The following TRPM3 variants were observed in gnomAD, a reference collection of about 807,000 sequenced individuals.
TRPM3 encodes the protein long transient receptor potential channel 3.
TRPM3 carries 77 observed loss-of-function variants against 181.2 expected under a neutral mutation model. That is an observed-to-expected ratio of 0.42 (90% confidence interval 0.35 to 0.51). The LOEUF is 0.51. Ranked by LOEUF, TRPM3 falls within the 20% of genes least tolerant of loss-of-function variation. The probability of loss-of-function intolerance (pLI) is 0.01; values close to 1 mark genes in which losing one functional copy is unlikely to be tolerated. For missense variants in TRPM3, 1,759 were observed against 2,196.7 expected (o/e 0.80, Z 3.98); for synonymous variants, 745 against 796.4 (o/e 0.94, Z 1.09).
At chr9:70,913,981 C>A (rs2096564675) in intron 1 of TRPM3, among the ~76,000 whole-genome samples, 1 of 152,174 alleles carries the variant, frequency 6.6e-6, no homozygotes, top group Non-Finnish European at 1.5e-5. Context: ...TCCATGTTTT[C>A]CAGGCAAAAT....
intron 8 of TRPM3, among the ~76,000 whole-genome samples, chr9:70,759,785 A>G (rs962958887): frequency 1.3e-5 from 2 of 152,236 alleles, no homozygotes; most frequent in East Asian, 3.9e-4. Context: ...CTGAACAGTA[A>G]GAACACATGG....
At chr9:71,033,030 C>G (rs1198012881) in intron 1 of TRPM3, among the ~76,000 whole-genome samples, 1 of 152,296 alleles carries the variant, frequency 6.6e-6, no homozygotes, top group East Asian at 1.9e-4. Flanking sequence ...CCATCTGACT[C>G]TTTTGGCACC....
chr9:70,943,033 T>A (rs2133580962), intron 1 of TRPM3, among the ~76,000 whole-genome samples: 1 of 151,678 alleles, frequency 6.6e-6, no homozygotes, highest in African/African-American at 2.4e-5. Flanking sequence ...GCATTCGAGA[T>A]GTGAATTTCT....
chr9:71,174,269 C>T (rs1360808551), intron 1 of TRPM3, among the ~76,000 whole-genome samples: 1 of 151,984 alleles, frequency 6.6e-6, no homozygotes. Flanking sequence ...TGGCGGGGTA[C>T]AGTGGTTCAG....
In TRPM3 at chr9:70,950,973, T is replaced by C. The variant is rs190016194; in HGVS notation, c.178-86462A>G. 1.7e-3 allele frequency among the ~76,000 whole-genome samples: 258 copies of C among 152,220 alleles called. 1 individual carries two copies. Among genetic ancestry groups the C allele is most frequent in the Admixed American group, 6.1e-3 (93 of 15,274 alleles). On this transcript the variant is annotated intron_variant, in intron 1 of 25. Transcript: ENST00000677713. Reference sequence around the variant, plus strand: ...AATTATGTTTGAATAGGTGAATAGATAGAAATGTCAAGAAATAATAAAGAT... The same window carrying C: ...AATTATGTTTGAATAGGTGAATAGACAGAAATGTCAAGAAATAATAAAGAT...
intron 1 of TRPM3, among the ~76,000 whole-genome samples, chr9:71,203,113 A>AG (rs2078907827): frequency 6.6e-6 from 1 of 152,196 alleles, no homozygotes; most frequent in Admixed American, 6.5e-5. Context: ...ATACATTTGT[A>AG]GCTGGTTCTG....
At chr9:70,568,022 G>A (rs1036897430) in intron 22 of TRPM3, among the ~76,000 whole-genome samples, 5 of 152,188 alleles carry the variant, frequency 3.3e-5, no homozygotes, top group Non-Finnish European at 5.9e-5. Context: ...GTCAAGTCCA[G>A]CTTGAATACT....
chr9:70,844,888 T>C (rs900596255), intron 4 of TRPM3, among the ~76,000 whole-genome samples: 4 of 152,148 alleles, frequency 2.6e-5, no homozygotes, highest in African/African-American at 7.2e-5. Flanking sequence ...AGGAATGCAA[T>C]AGACAATAAT....
At chr9:71,265,796 A>C (rs998169569) in intron 1 of TRPM3, among the ~76,000 whole-genome samples, 6 of 152,250 alleles carry the variant, frequency 3.9e-5, no homozygotes, top group Non-Finnish European at 7.3e-5. Flanking sequence ...TAGCTGAGTC[A>C]TTAGACTACT....
intron 25 of TRPM3, among the ~76,000 whole-genome samples, chr9:70,542,056 G>T (rs2131666703): frequency 6.6e-6 from 1 of 152,322 alleles, no homozygotes; most frequent in South Asian, 2.1e-4. Flanking sequence ...AGGAGACTGA[G>T]GCTGTGGTGA....
In TRPM3 at chr9:71,051,022, T is replaced by G. The variant is rs1444407276; in HGVS notation, c.177+70156A>C. Among the ~76,000 whole-genome samples the G allele has an allele frequency of 2.0e-5, 3 of 152,332 alleles. No individual in the cohort carries two copies. In the East Asian group the frequency reaches 5.8e-4, roughly 29 times the overall value. ...ACTTTAGTTTACTCATCTGTAAAAC[T>G]TGTCACTGTTTTGAAAACTGTGTCT... On this transcript the variant is annotated intron_variant, in intron 1 of 25. Transcript: ENST00000677713.
At chr9:71,292,178 T>C (rs2085869821) in intron 1 of TRPM3, among the ~76,000 whole-genome samples, 2 of 152,026 alleles carry the variant, frequency 1.3e-5, no homozygotes, top group South Asian at 4.1e-4. Context: ...GAACACACAG[T>C]ACCTCGAAAG....
intron 1 of TRPM3, among the ~76,000 whole-genome samples, chr9:71,200,207 T>C (rs2078685492): frequency 6.6e-6 from 1 of 152,082 alleles, no homozygotes; most frequent in African/African-American, 2.4e-5. Flanking sequence ...TAATCCTGAG[T>C]TCTAGTTTGA....
chr9:71,350,171 C>T (rs1385552002), intron 1 of TRPM3, among the ~76,000 whole-genome samples: 1 of 151,940 alleles, frequency 6.6e-6, no homozygotes, highest in Non-Finnish European at 1.5e-5. Context: ...GATGTTTCCA[C>T]AAATAAATGA....
chr9:71,030,217 A>G (rs2057111179), intron 1 of TRPM3, among the ~76,000 whole-genome samples: 1 of 152,210 alleles, frequency 6.6e-6, no homozygotes, highest in South Asian at 2.1e-4. Flanking sequence ...TGTTTAAATT[A>G]TTTAAAAATA....
At chr9:70,897,819 AT>A (rs2096302627) in intron 1 of TRPM3, among the ~76,000 whole-genome samples, 1 of 152,204 alleles carries the variant, frequency 6.6e-6, no homozygotes. Context: ...AATTCTCTTT[AT>A]TGTTGTAATA....
chr9:70,907,358 CATT>C (rs2096481912), intron 1 of TRPM3, among the ~76,000 whole-genome samples: 1 of 152,156 alleles, frequency 6.6e-6, no homozygotes, highest in Non-Finnish European at 1.5e-5. Flanking sequence ...CCAGTTTTTA[CATT>C]TTAATACTTT....
At chr9:71,106,559 C>A (rs906767743) in intron 1 of TRPM3, among the ~76,000 whole-genome samples, 3 of 152,112 alleles carry the variant, frequency 2.0e-5, no homozygotes, top group African/African-American at 7.2e-5. Context: ...CCCAAGCTTC[C>A]TATATAGCCT....
rs1460739986 is a variant in TRPM3, at chr9:71,293,923, T to G, written c.183+152730A>C. ...TAAGATAGAGGTGGTATTGCATACC[T>G]GCGAGGAATGGATTTCTCAATAATT... On this transcript the variant is annotated intron_variant, in intron 1 of 24. Transcript: ENST00000357533. Among the ~76,000 whole-genome samples, 5 of 151,976 alleles carry G rather than the reference T, an allele frequency of 3.3e-5. No individual in the cohort carries two copies. In the South Asian group the frequency reaches 1.0e-3, roughly 31 times the overall value.
Sources: allele counts gnomAD v4.1 joint callset (sites outside exome capture counted in the v4.1 genomes callset), GRCh38; gene constraint gnomAD v4.1.1; transcripts MANE v1.5; gene names NCBI Gene and HGNC (gene_info 2026-07-23, HGNC 2026-07-21).